TXNRD2: variants seen among roughly 807,000 people sequenced by gnomAD.
The protein encoded by TXNRD2 is thioredoxin reductase 2.
TXNRD2 carries 67 observed loss-of-function variants against 70.8 expected under a neutral mutation model. The ratio of observed to expected loss-of-function variants is 0.95; its 90% CI spans 0.78 to 1.16. The LOEUF (loss-of-function observed/expected upper bound fraction) is 1.16. TXNRD2 is among the 50% of genes most tolerant of loss of function. TXNRD2 has a pLI of 0.00. For synonymous variants in TXNRD2, 301 were observed against 295.8 expected, an observed-to-expected ratio of 1.02 and a Z score of -0.18; for missense variants, 644 against 719.9, an observed-to-expected ratio of 0.89 and a Z score of 1.21.
At chr22:19,898,236 GCCCT>G in intron 9 of TXNRD2, 106 bp from the exon 10 acceptor site, 1 of 1,093,440 alleles carries the variant, frequency 9.1e-7, no homozygotes, top group Non-Finnish European at 1.3e-6. Flanking sequence ...TCCATGGCTG[GCCCT>G]GGAGGAGGCT....
intron 8 of TXNRD2, among the ~76,000 whole-genome samples, chr22:19,909,625 ACT>A (rs1485681587): frequency 0.11 from 10,152 of 93,452 alleles, 495 homozygotes; most frequent in East Asian, 0.2. Context: ...CACACACACC[ACT>A]CACACACCAC....
chr22:19,880,209 T>C lies in TXNRD2; in HGVS notation c.1245A>G (p.Ala415=), dbSNP rs1164473318. The change falls in exon 14 of 18, where the codon GCA becomes GCG. Residue 415 remains alanine, a synonymous_variant. Coordinates refer to ENST00000400521, the MANE Select transcript of TXNRD2 (RefSeq NM_006440.5). The stretch of plus-strand genomic sequence containing the variant: ...CATGCTCCTGCCCGTGGCGAGCCAC[T>C]GCCTCCTCCTCGGACAGCCCCACAC... ...YGCVGLSEEE[A]VARHGQEHVE... 3 of 1,613,670 alleles carry C rather than the reference T, an allele frequency of 1.9e-6. No individual in the cohort carries two copies. Among genetic ancestry groups the C allele is most frequent in the Non-Finnish European group, 2.5e-6 (3 of 1,180,006 alleles).
In TXNRD2 at chr22:19,915,824, T is replaced by C. The variant is rs756742203; in HGVS notation, c.469A>G (p.Ile157Val). ...LQDRKVKYFN[I>V]KASFVDEHTV... ...TGCTCGTCAACAAAGCTGGCTTTGATGTTAAAGTACTTGACTTTTCTGAAA... is the reference window on the plus strand; with the variant it reads ...TGCTCGTCAACAAAGCTGGCTTTGACGTTAAAGTACTTGACTTTTCTGAAA... Residue 157 changes from isoleucine to valine, a missense_variant, in exon 6 of 18, where the codon ATC becomes GTC. Physicochemically the swap from Ile to Val is conservative, Grantham distance 29. Around this residue, in one of 3 missense-constraint regions of TXNRD2, gnomAD observed 566 missense variants for 645.0 expected, o/e 0.88. Coordinates refer to ENST00000400521, the MANE Select transcript of TXNRD2 (RefSeq NM_006440.5). The C allele has an allele frequency of 1.2e-6, 2 of 1,614,200 alleles. No individual in the cohort carries two copies. Among genetic ancestry groups the C allele is most frequent in the Non-Finnish European group, 8.5e-7 (1 of 1,180,022 alleles).
chr22:19,925,247 G>A (rs1202952795), intron 2 of TXNRD2, among the ~76,000 whole-genome samples: 3 of 151,886 alleles, frequency 2.0e-5, no homozygotes, highest in South Asian at 2.1e-4. Context: ...TCGCACCACT[G>A]CACTCCAGCC....
chr22:19,915,615 G>A, intron 6 of TXNRD2, 150 bp downstream of exon 6: 1 of 754,592 alleles, frequency 1.3e-6, no homozygotes, highest in Non-Finnish European at 2.3e-6. Flanking sequence ...TCACGTTAAA[G>A]ACAAGTGCCC....
chr22:19,916,968 C>G (rs1569100105), intron 5 of TXNRD2, among the ~76,000 whole-genome samples: 1 of 152,204 alleles, frequency 6.6e-6, no homozygotes, highest in East Asian at 1.9e-4. Context: ...GGCTCTGCCT[C>G]CTGCTTGAGC....
chr22:19,918,778 C>T, intron 4 of TXNRD2, 82 bp downstream of exon 4: 2 of 1,557,820 alleles, frequency 1.3e-6, no homozygotes, highest in Non-Finnish European at 8.7e-7. Flanking sequence ...CCCATGAGGG[C>T]TCATCGAGGA....
At chr22:19,927,164 G>C (rs551550077) in intron 2 of TXNRD2, among the ~76,000 whole-genome samples, 1 of 149,722 alleles carries the variant, frequency 6.7e-6, no homozygotes, top group South Asian at 2.1e-4. Flanking sequence ...CGTGGTGGCA[G>C]GCACCTGTAA....
intron 1 of TXNRD2, among the ~76,000 whole-genome samples, chr22:19,937,749 C>T (rs117018827): frequency 0.022 from 3,285 of 152,286 alleles, 56 homozygotes; most frequent in South Asian, 0.082. Flanking sequence ...TCAACAAACA[C>T]GGCCAAATGC....
At chr22:19,933,582 G>T in intron 1 of TXNRD2, 1 of 1,169,770 alleles carries the variant, frequency 8.5e-7, no homozygotes, top group Non-Finnish European at 1.1e-6. Flanking sequence ...TGGGCAGCTT[G>T]CTCGCCCCCT....
intron 7 of TXNRD2, among the ~76,000 whole-genome samples, chr22:19,912,160 C>G (rs1413502486): frequency 3.3e-5 from 5 of 152,126 alleles, no homozygotes; most frequent in Non-Finnish European, 5.9e-5. Flanking sequence ...AGGTGGGAGG[C>G]CCAGGGTGAA....
rs1940751200 is a variant in TXNRD2 at position 19,918,765 on chromosome 22, C to T, written c.374+95G>A. 5.3e-6 allele frequency: 8 copies of T among 1,498,762 alleles called. No homozygotes were observed. In the African/African-American group the frequency reaches 5.5e-5, roughly 10 times the overall value. The allele number at this position is 1,498,762 out of a possible 1,614,324, so 92.8% of individuals were successfully genotyped here. On this transcript the variant is annotated intron_variant, in intron 4 of 17. Coordinates refer to ENST00000400521, the MANE Select transcript of TXNRD2 (RefSeq NM_006440.5). Reference sequence around the variant, plus strand: ...GCTGAGAAACCCATCCTACGGCCCACTCCCCATGAGGGCTCATCGAGGATA... The same window carrying T: ...GCTGAGAAACCCATCCTACGGCCCATTCCCCATGAGGGCTCATCGAGGATA...
chr22:19,918,293 T>C (rs1287032519), intron 4 of TXNRD2, 76 bp from the exon 5 acceptor site: 3 of 1,241,172 alleles, frequency 2.4e-6, no homozygotes, highest in Non-Finnish European at 3.5e-6. Flanking sequence ...GACTATTAGA[T>C]TCAAATGGTA....
intron 11 of TXNRD2, chr22:19,894,281 G>C (rs947936822): frequency 1.3e-5 from 2 of 152,278 alleles, no homozygotes; most frequent in African/African-American, 4.8e-5. Flanking sequence ...GTTTAATGGG[G>C]ACAGAGCTCA....
At chr22:19,933,584 T>A in intron 1 of TXNRD2, 1 of 1,152,012 alleles carries the variant, frequency 8.7e-7, no homozygotes, top group Admixed American at 2.4e-5. Flanking sequence ...GGCAGCTTGC[T>A]CGCCCCCTGT....
At chr22:19,886,479 A>G (rs1407750844) in intron 11 of TXNRD2, among the ~76,000 whole-genome samples, 1 of 152,248 alleles carries the variant, frequency 6.6e-6, no homozygotes, top group African/African-American at 2.4e-5. Flanking sequence ...GTGGGGACCC[A>G]CTGGGGCCCG....
rs114846244 is a variant in TXNRD2 at position 19,938,820 on chromosome 22, C to A, written c.103+2881G>T. On this transcript the variant is annotated intron_variant, in intron 1 of 17. Coordinates refer to ENST00000400521, the MANE Select transcript of TXNRD2 (RefSeq NM_006440.5). Reference sequence around the variant, plus strand: ...CTCGGTCCAAAACGTGAAAAAATTACTAAACCTCTTCAAGTTACTGTAAAA... The same window carrying A: ...CTCGGTCCAAAACGTGAAAAAATTAATAAACCTCTTCAAGTTACTGTAAAA... Among the ~76,000 whole-genome samples the A allele has an allele frequency of 8.9e-3, 1,350 of 152,240 alleles. 15 individuals carry two copies. The highest frequency in any genetic ancestry group is 0.031 in the African/African-American group (1,278 of 41,520).
chr22:19,918,155 T>C lies in TXNRD2; in HGVS notation c.437A>G (p.Gln146Arg). The change falls in exon 5 of 18, where the codon CAG (glutamine) becomes CGG (arginine). Residue 146 changes from glutamine to arginine, a missense_variant. Physicochemically the swap from Gln to Arg is conservative, Grantham distance 43. Around this residue, in one of 3 missense-constraint regions of TXNRD2, gnomAD observed 566 missense variants for 645.0 expected, o/e 0.88. Transcript: ENST00000400521. Reference protein sequence around the residue: ...VKSLNWGHRVQLQDRKVKYFN... With the variant: ...VKSLNWGHRVRLQDRKVKYFN... ...AGAGCTTCAGTACCTGTCCTGAAGCTGGACACGGTGGCCCCAGTTCAAGGA... is the reference window on the plus strand; with the variant it reads ...AGAGCTTCAGTACCTGTCCTGAAGCCGGACACGGTGGCCCCAGTTCAAGGA... The C allele has an allele frequency of 6.2e-7, 1 of 1,614,168 alleles. No homozygotes were observed. The highest frequency in any genetic ancestry group is 8.5e-7 in the Non-Finnish European group (1 of 1,180,024).
At chr22:19,879,551 G>A (rs543753376) in intron 14 of TXNRD2, among the ~76,000 whole-genome samples, 7 of 150,172 alleles carry the variant, frequency 4.7e-5, no homozygotes, top group Admixed American at 3.3e-4. Flanking sequence ...GTGGTGGGGG[G>A]CGGGGGGCGG....
Sources: gnomAD v4.1 joint callset for allele counts (sites outside exome capture counted in the v4.1 genomes callset) on GRCh38, gnomAD v4.1.1 for gene constraint, gnomAD v4.1.1 regional missense constraint, MANE v1.5 for transcripts, NCBI Gene and HGNC (gene_info 2026-07-23, HGNC 2026-07-21) for gene names.